The following FHIT variants were observed in gnomAD, a reference collection of about 807,000 sequenced individuals.
FHIT encodes the protein bis(5'-adenosyl)-triphosphatase.
FHIT carries 19 observed loss-of-function variants against 17.9 expected under a neutral mutation model. The observed-to-expected ratio is 1.06, with a 90% CI of 0.74 to 1.56. FHIT has a LOEUF of 1.56. Among genes scored for constraint, FHIT ranks in the 40% most tolerant of loss-of-function variants. The probability of loss-of-function intolerance (pLI) is 0.00; values close to 1 mark genes in which losing one functional copy is unlikely to be tolerated. For missense variants in FHIT, 248 were observed against 189.2 expected (o/e 1.31, Z -1.82); for synonymous variants, 81 against 69.7 (o/e 1.16, Z -0.81).
chr3:60,213,501 A>G (rs967890304), intron 5 of FHIT, among the ~76,000 whole-genome samples: 2 of 152,210 alleles, frequency 1.3e-5, no homozygotes, highest in Non-Finnish European at 2.9e-5. Flanking sequence ...ACAGGCCACT[A>G]CACTGGCCAT....
At position 60,861,190 on chromosome 3, in the gene FHIT, T is replaced by TATATGATATATATGATATATC. The variant is rs1553752304; in HGVS notation, c.-110-39180_-110-39179insGATATATCATATATATCATAT. Among the ~76,000 whole-genome samples the TATATGATATATATGATATATC allele has an allele frequency of 6.7e-4, 2 of 2,988 alleles. 1 individual carries two copies. The highest frequency in any genetic ancestry group is 0.012 in the Admixed American group (2 of 162). The allele number at this position is 2,988 out of a possible 152,430, so 2.0% of individuals were successfully genotyped here. On this transcript the variant is annotated intron_variant, in intron 3 of 9. Coordinates refer to ENST00000492590, the MANE Select transcript of FHIT (RefSeq NM_002012.4). Reference sequence around the variant, plus strand: ...CATATGTTCTATGATATATATGATATATATCATATATGATATATATGATAT... The same window carrying TATATGATATATATGATATATC: ...CATATGTTCTATGATATATATGATATATATGATATATATGATATATCATATCATATATGATATATATGATAT...
In FHIT at chr3:60,195,561, T is replaced by TATATTTA. The variant is rs61215575; in HGVS notation, c.104-181410_104-181409insTAAATAT. Among the ~76,000 whole-genome samples the TATATTTA allele has an allele frequency of 1.8e-3, 38 of 21,168 alleles. No homozygotes were observed. The African/African-American group carries it at 0.019, about 10-fold the overall frequency. 13.9% of individuals were successfully genotyped at this position (21,168 alleles called of 152,430 possible). ...AGGAAAATGTGATATATATATATAT[T>TATATTTA]TATATTTATATAATTATATTTATAT... On this transcript the variant is annotated intron_variant, in intron 5 of 9. Coordinates refer to ENST00000492590, the MANE Select transcript of FHIT (RefSeq NM_002012.4).
At chr3:60,898,966 G>A (rs1227226085) in intron 3 of FHIT, among the ~76,000 whole-genome samples, 1 of 152,082 alleles carries the variant, frequency 6.6e-6, no homozygotes, top group Non-Finnish European at 1.5e-5. Context: ...TTTACTTCAG[G>A]TTCTAGTCTA....
chr3:59,779,390 C>T (rs767327652), intron 8 of FHIT, among the ~76,000 whole-genome samples: 3 of 152,160 alleles, frequency 2.0e-5, no homozygotes, highest in Non-Finnish European at 4.4e-5. Flanking sequence ...TGGGCTTTGT[C>T]CATGGGTTGC....
chr3:61,027,085 T>C (rs1016439577), intron 3 of FHIT, among the ~76,000 whole-genome samples: 2 of 152,090 alleles, frequency 1.3e-5, no homozygotes, highest in African/African-American at 2.4e-5. Context: ...GTCATGTCCT[T>C]ATACTTTTTT....
intron 5 of FHIT, among the ~76,000 whole-genome samples, chr3:60,422,182 T>C (rs1237299077): frequency 3.3e-5 from 5 of 152,156 alleles, no homozygotes; most frequent in Admixed American, 2.0e-4. Context: ...AGGTTTCAAA[T>C]GTTTGCTTTA....
At chr3:60,123,779 G>A (rs1705365570) in intron 5 of FHIT, among the ~76,000 whole-genome samples, 1 of 151,338 alleles carries the variant, frequency 6.6e-6, no homozygotes, top group African/African-American at 2.4e-5. Context: ...ACCACTGCAA[G>A]TGCTGCTAAA....
intron 7 of FHIT, among the ~76,000 whole-genome samples, chr3:59,977,844 A>C (rs931959249): frequency 6.6e-5 from 10 of 152,188 alleles, no homozygotes; most frequent in African/African-American, 1.2e-4. Context: ...CTGCCTATTA[A>C]ATGATAGACA....
chr3:60,226,795 T>G (rs1305968841), intron 5 of FHIT, among the ~76,000 whole-genome samples: 1 of 152,160 alleles, frequency 6.6e-6, no homozygotes, highest in Admixed American at 6.5e-5. Context: ...AGTGCTGGTT[T>G]TGGAGCACGC....
rs60128215 is a variant in FHIT, at chr3:60,630,955, A to AAC, written c.-17-93978_-17-93977dup. Among the ~76,000 whole-genome samples, 38 of 125,096 alleles carry AAC rather than the reference A, an allele frequency of 3.0e-4. 1 individual carries two copies. The highest frequency in any genetic ancestry group is 1.0e-3 in the African/African-American group (33 of 32,284). The allele number at this position is 125,096 out of a possible 152,430, so 82.1% of individuals were successfully genotyped here. The stretch of plus-strand genomic sequence containing the variant: ...TCATTAAAAAAAAAAAAAAAAAAAA[A>AAC]ACACACAGAAATAACTGAGTAAAAA... On this transcript the variant is annotated intron_variant, in intron 4 of 9. Transcript: ENST00000492590.
At chr3:60,920,790 A>G (rs1553768159) in intron 3 of FHIT, among the ~76,000 whole-genome samples, 1 of 152,134 alleles carries the variant, frequency 6.6e-6, no homozygotes, top group African/African-American at 2.4e-5. Context: ...CCTTTGAAAG[A>G]CTTTCAAGCA....
intron 5 of FHIT, among the ~76,000 whole-genome samples, chr3:60,515,083 G>C (rs2035100435): frequency 6.6e-6 from 1 of 152,114 alleles, no homozygotes; most frequent in Admixed American, 6.6e-5. Context: ...CACCGCAAAT[G>C]AACAGGCAGG....
chr3:60,718,676 A>T (rs182870849), intron 4 of FHIT, among the ~76,000 whole-genome samples: 20 of 152,242 alleles, frequency 1.3e-4, no homozygotes, highest in Non-Finnish European at 2.1e-4. Flanking sequence ...ACAGAATAGC[A>T]TTTCATAAAC....
intron 5 of FHIT, among the ~76,000 whole-genome samples, chr3:60,159,849 A>G (rs1399886088): frequency 1.3e-5 from 2 of 152,136 alleles, no homozygotes; most frequent in Non-Finnish European, 2.9e-5. Context: ...GCTCATAACC[A>G]TGAGGACACA....
chr3:61,004,602 G>A (rs1458664081), intron 3 of FHIT, among the ~76,000 whole-genome samples: 1 of 152,156 alleles, frequency 6.6e-6, no homozygotes, highest in African/African-American at 2.4e-5. Context: ...AGAGCTATCT[G>A]CTTTGATAGA....
At chr3:61,244,941 T>A (rs892627467) in intron 1 of FHIT, among the ~76,000 whole-genome samples, 12 of 152,180 alleles carry the variant, frequency 7.9e-5, no homozygotes, top group African/African-American at 2.7e-4. Flanking sequence ...CGTTAATCTG[T>A]CTTTTGTTAC....
intron 5 of FHIT, among the ~76,000 whole-genome samples, chr3:60,088,377 G>T (rs1703589225): frequency 6.6e-6 from 1 of 152,130 alleles, no homozygotes; most frequent in Non-Finnish European, 1.5e-5. Flanking sequence ...ATGTTAGTCA[G>T]GAGACCTCTA....
At chr3:61,199,217 T>C (rs2038944133) in intron 2 of FHIT, among the ~76,000 whole-genome samples, 1 of 152,204 alleles carries the variant, frequency 6.6e-6, no homozygotes, top group African/African-American at 2.4e-5. Flanking sequence ...GAAAATGGAC[T>C]GTGCCTGTGT....
chr3:60,711,138 C>A (rs144395947), intron 4 of FHIT, among the ~76,000 whole-genome samples: 91 of 152,300 alleles, frequency 6.0e-4, no homozygotes, highest in African/African-American at 1.9e-3. Flanking sequence ...GTTCTGCAGA[C>A]ACCACTGCTG....
Sources: allele counts gnomAD v4.1 joint callset (sites outside exome capture counted in the v4.1 genomes callset), GRCh38; gene constraint gnomAD v4.1.1; transcripts MANE v1.5; gene names NCBI Gene and HGNC (gene_info 2026-07-23, HGNC 2026-07-21).